Variants in BLTP1 observed in about 807,000 individuals in gnomAD.
The protein encoded by BLTP1 is fragile site-associated protein.
At chr4:122,358,328 C>T in the BLTP1 span, among the ~76,000 whole-genome samples, 1 of 152,040 alleles carries the variant, frequency 6.6e-6, no homozygotes, top group Non-Finnish European at 1.5e-5. Flanking sequence ...CCACAAACTA[C>T]GTGTATTTCT....
At chr4:122,313,716 T>G in the BLTP1 span, 46 of 1,272,890 alleles carry the variant, frequency 3.6e-5, no homozygotes, top group African/African-American at 5.5e-4. Context: ...TTATTTTATG[T>G]TAGATAGAAT....
chr4:122,170,896 T>A, the BLTP1 span: 2 of 558,614 alleles, frequency 3.6e-6, no homozygotes, highest in Non-Finnish European at 6.1e-6. Context: ...TTCTTGAACA[T>A]TTGTTCTGGA....
the BLTP1 span, chr4:122,316,438 A>G: frequency 2.1e-6 from 1 of 483,404 alleles, no homozygotes; most frequent in Non-Finnish European, 4.3e-6. Context: ...GACACCCCCA[A>G]ATCAGCGCCA....
the BLTP1 span, chr4:122,269,421 C>A: frequency 4.1e-6 from 4 of 985,132 alleles, 1 homozygote; most frequent in Admixed American, 2.5e-4. Flanking sequence ...CTGTGAACTT[C>A]ATTGCGTTTG....
At chr4:122,183,443 A>G in the BLTP1 span, 2 of 984,318 alleles carry the variant, frequency 2.0e-6, no homozygotes, top group Non-Finnish European at 2.4e-6. Flanking sequence ...GGTCAGTGTC[A>G]TTAGGCTTAT....
the BLTP1 span, chr4:122,305,416 A>T: frequency 1.0e-6 from 1 of 953,636 alleles, no homozygotes; most frequent in Non-Finnish European, 1.2e-6. Context: ...GAATGTTCAC[A>T]GCTTATTGGA....
chr4:122,179,538 T>G, the BLTP1 span, among the ~76,000 whole-genome samples: 1 of 152,144 alleles, frequency 6.6e-6, no homozygotes, highest in African/African-American at 2.4e-5. Flanking sequence ...CCTAGCCTTC[T>G]ACCATCCTCA....
the BLTP1 span, among the ~76,000 whole-genome samples, chr4:122,168,980 C>G: frequency 6.6e-6 from 1 of 152,222 alleles, no homozygotes; most frequent in African/African-American, 2.4e-5. Flanking sequence ...AGGGGTCTCC[C>G]TCTCTCAACT....
At chr4:122,263,988 AAATATTT>A in the BLTP1 span, 3 of 565,846 alleles carry the variant, frequency 5.3e-6, no homozygotes, top group Non-Finnish European at 4.5e-6. Context: ...GTTACTTAAC[AAATATTT>A]AATTAAATCT....
At chr4:122,223,502 A>C in the BLTP1 span, among the ~76,000 whole-genome samples, 2 of 152,200 alleles carry the variant, frequency 1.3e-5, no homozygotes, top group South Asian at 4.1e-4. Context: ...CAAGGCAGAA[A>C]TGGTTATTAA....
the BLTP1 span, among the ~76,000 whole-genome samples, chr4:122,179,572 C>T: frequency 6.6e-6 from 1 of 152,092 alleles, no homozygotes; most frequent in Non-Finnish European, 1.5e-5. Flanking sequence ...TGGCAACACT[C>T]CTTTCATCCT....
At chr4:122,157,281 C>T in the BLTP1 span, among the ~76,000 whole-genome samples, 1 of 152,178 alleles carries the variant, frequency 6.6e-6, no homozygotes, top group Non-Finnish European at 1.5e-5. Flanking sequence ...CTGGGTGCTT[C>T]TGGCTCAGGG....
the BLTP1 span, chr4:122,336,624 A>G: frequency 1.0e-6 from 1 of 978,070 alleles, no homozygotes; most frequent in Non-Finnish European, 1.2e-6. Context: ...TGTCCCTTGG[A>G]CTGGAATCTC....
chr4:122,309,592 C>T, the BLTP1 span: 4 of 929,528 alleles, frequency 4.3e-6, no homozygotes, highest in East Asian at 7.9e-5. Context: ...AGGGCTATTT[C>T]TAGTTACAGG....
At chr4:122,317,105 G>C in the BLTP1 span, among the ~76,000 whole-genome samples, 1 of 152,170 alleles carries the variant, frequency 6.6e-6, no homozygotes, top group African/African-American at 2.4e-5. Context: ...GCCGAGGCAG[G>C]TGGGTCACCT....
chr4:122,311,893 A>G, the BLTP1 span, among the ~76,000 whole-genome samples: 1 of 152,196 alleles, frequency 6.6e-6, no homozygotes, highest in African/African-American at 2.4e-5. Context: ...TACAGAAACC[A>G]CAGGTATTAT....
chr4:122,289,155 C>T, the BLTP1 span: 2 of 1,609,730 alleles, frequency 1.2e-6, no homozygotes, highest in African/African-American at 1.3e-5. Flanking sequence ...AGAAAGTGTT[C>T]ATGAAGGAAG....
chr4:122,282,910 G>A, the BLTP1 span, among the ~76,000 whole-genome samples: 1 of 151,702 alleles, frequency 6.6e-6, no homozygotes, highest in Admixed American at 6.6e-5. Context: ...TTACCATTGA[G>A]TCATTTGTAT....
chr4:122,254,445 TA>T, the BLTP1 span: 10 of 1,286,628 alleles, frequency 7.8e-6, no homozygotes, highest in Non-Finnish European at 1.0e-5. Flanking sequence ...TTTTCTGGTA[TA>T]TATAGTATTA....
Sources: allele counts gnomAD v4.1 joint callset (sites outside exome capture counted in the v4.1 genomes callset), GRCh38; gene constraint gnomAD v4.1.1; transcripts MANE v1.5; gene names NCBI Gene and HGNC (gene_info 2026-07-23, HGNC 2026-07-21).